Variants in LRRC34 observed in about 807,000 individuals in gnomAD.
LRRC34 encodes the protein leucine rich repeat containing 34.
A neutral mutation model predicts 48.5 loss-of-function variants in LRRC34; 44 were observed. The observed-to-expected ratio is 0.91, with a 90% CI of 0.71 to 1.17. LRRC34 has a LOEUF of 1.17. Ranked by LOEUF, LRRC34 falls within the 50% of genes most tolerant of loss-of-function variation. The pLI is 0.00. For synonymous variants in LRRC34, 192 were observed against 197.6 expected (o/e 0.97, Z 0.24); for missense variants, 502 against 563.0 (o/e 0.89, Z 1.10).
Position 169,812,473 on chromosome 3 carries a change from T to C in LRRC34, c.76A>G (p.Arg26Gly), listed in dbSNP as rs931763689. 3 of 1,529,690 alleles carry C rather than the reference T, an allele frequency of 2.0e-6. No individual in the cohort carries two copies. Among genetic ancestry groups the C allele is most frequent in the South Asian group, 2.4e-5 (2 of 83,552 alleles). The allele number at this position is 1,529,690 out of a possible 1,614,324, so 94.8% of individuals were successfully genotyped here. Residue 26 changes from arginine (R) to glycine (G), a missense_variant, in exon 1 of 11, where the codon AGG (arginine) becomes GGG (glycine). By Grantham distance (125) the Arg-to-Gly change is moderately radical. Transcript: ENST00000446859. This position sits in a 1 kb window ranked among gnomAD's most constrained non-coding sequence, Gnocchi z 4.3. ...SSREAARAPARSPAWASTQAS... is the reference protein window; with the variant it reads ...SSREAARAPAGSPAWASTQAS... The stretch of plus-strand genomic sequence containing the variant: ...TGAGTGGAGGCCCAAGCCGGGGACC[T>C]GGCCGGCGCACGGGCGGCCTCCCGG...
intron 7 of LRRC34, among the ~76,000 whole-genome samples, chr3:169,797,196 C>T (rs746504324): frequency 1.3e-5 from 2 of 151,510 alleles, no homozygotes; most frequent in South Asian, 2.1e-4. Context: ...TCAGTCATTT[C>T]GAAAGGAAAA....
In LRRC34 at chr3:169,795,482, T is replaced by TA. The variant is rs1778952527; in HGVS notation, c.1191+2dup. On this transcript the variant is annotated splice_region_variant and intron_variant, in intron 10 of 10. Transcript: ENST00000446859. ...TCAGTGAAGGAAAAAACTTAAAACT[T>TA]ACTATACACGTAGCCTCATCAAATT... The TA allele has an allele frequency of 5.0e-6, 8 of 1,597,318 alleles. No individual in the cohort carries two copies. Among genetic ancestry groups the TA allele is most frequent in the Non-Finnish European group, 6.8e-6 (8 of 1,168,964 alleles).
In LRRC34 at chr3:169,796,270, A is replaced by AT; in HGVS notation, c.1007dup (p.Asn336LysfsTer9). 1 of 1,612,692 alleles carries AT rather than the reference A, an allele frequency of 6.2e-7. No homozygotes were observed. The highest frequency in any genetic ancestry group is 8.5e-7 in the Non-Finnish European group (1 of 1,179,486). On this transcript the variant is annotated frameshift_variant, in exon 9 of 11. Transcript: ENST00000446859. LOFTEE classifies it high-confidence loss of function. ...TTTCACTGAGATAGTTTGCGCCTGC[A>AT]TTTTCTATTCTGTTAAAGGAAAGAT...
In LRRC34 at chr3:169,806,858, T is replaced by G; in HGVS notation, c.518A>C (p.Lys173Thr). 6.3e-7 allele frequency: 1 copy of G among 1,597,970 alleles called. No homozygotes were observed. The highest frequency in any genetic ancestry group is 8.6e-7 in the Non-Finnish European group (1 of 1,167,392). Residue 173 changes from lysine to threonine, a missense_variant, in exon 5 of 11, where the codon AAA (lysine) becomes ACA (threonine). Physicochemically the swap from Lys to Thr is moderately conservative, Grantham distance 78. Transcript: ENST00000446859. ...IGPEGGELIAKVLHKNRTLKY... is the reference protein window; with the variant it reads ...IGPEGGELIATVLHKNRTLKY... Reference sequence around the variant, plus strand: ...TACATAAATGCTTACATGTAGCACTTTAGCAATCAATTCTCCACCTTCGGG... The same window carrying G: ...TACATAAATGCTTACATGTAGCACTGTAGCAATCAATTCTCCACCTTCGGG...
In LRRC34 at chr3:169,800,742, C is replaced by A; in HGVS notation, c.670G>T (p.Val224Leu). 6.5e-7 allele frequency: 1 copy of A among 1,534,156 alleles called. No individual in the cohort carries two copies. Among genetic ancestry groups the A allele is most frequent in the Non-Finnish European group, 8.7e-7 (1 of 1,146,204 alleles). Residue 224 changes from valine to leucine, a missense_variant, in exon 7 of 11, where the codon GTG becomes TTG. Coordinates refer to ENST00000446859, the MANE Select transcript of LRRC34 (RefSeq NM_001172779.2). ...LGDCDLGMQS[V>L]IAFATVLTQN... The stretch of plus-strand genomic sequence containing the variant: ...GTTAGTACTGTAGCAAATGCTATCA[C>A]ACTTTGCATTCCCTAAAAACAGGTA...
At position 169,812,329 on chromosome 3, in the gene LRRC34, A is replaced by G; in HGVS notation, c.139+81T>C. 1.4e-6 allele frequency: 2 copies of G among 1,437,628 alleles called. No individual in the cohort carries two copies. The highest frequency in any genetic ancestry group is 1.4e-5 in the South Asian group (1 of 70,992). The allele number at this position is 1,437,628 out of a possible 1,614,324, so 89.1% of individuals were successfully genotyped here. The stretch of plus-strand genomic sequence containing the variant: ...CGCCTTGGGCTGGCGGGCTGCTGGG[A>G]GGACTCCTGCCGTGCGACCCCGGCG... On this transcript the variant is annotated intron_variant, in intron 1 of 10. Coordinates refer to ENST00000446859, the MANE Select transcript of LRRC34 (RefSeq NM_001172779.2). This position sits in a 1 kb window ranked among gnomAD's most constrained non-coding sequence, Gnocchi z 4.3.
intron 6 of LRRC34, among the ~76,000 whole-genome samples, chr3:169,801,007 T>G (rs566785076): frequency 6.6e-6 from 1 of 152,318 alleles, no homozygotes; most frequent in East Asian, 1.9e-4. Flanking sequence ...CCTGGGTGTT[T>G]CCCTCTAGGT....
rs772268986 is a variant in LRRC34, at chr3:169,808,745, T to C, written c.140A>G (p.Glu47Gly). ...TTTCTGGAGACCAGATTCTGGAGAT[T>C]CTGAAAAATATATGCATCCTCTATC... ...TPGAALAVQR[E>G]SPESGLQKHY... The change falls in exon 2 of 11, where the codon GAA (glutamate) becomes GGA (glycine). Residue 47 changes from glutamate to glycine, a missense_variant and splice_region_variant. Transcript: ENST00000446859. 1 of 1,506,916 alleles carries C rather than the reference T, an allele frequency of 6.6e-7. No homozygotes were observed. Among genetic ancestry groups the C allele is most frequent in the Non-Finnish European group, 9.1e-7 (1 of 1,093,956 alleles). 93.3% of individuals were successfully genotyped at this position (1,506,916 alleles called of 1,614,324 possible).
At chr3:169,811,728 T>C (rs1489246289) in intron 1 of LRRC34, among the ~76,000 whole-genome samples, 2 of 152,196 alleles carry the variant, frequency 1.3e-5, no homozygotes, top group Non-Finnish European at 2.9e-5. Flanking sequence ...AGAACGTGGG[T>C]GCCCTATCCA....
rs1395389954 is a variant in LRRC34 at position 169,795,579 on chromosome 3, T to C, written c.1097A>G (p.Glu366Gly). 1 of 1,612,776 alleles carries C rather than the reference T, an allele frequency of 6.2e-7. No homozygotes were observed. Residue 366 changes from glutamate to glycine, a missense_variant, in exon 10 of 11, where the codon GAA becomes GGA. Glu to Gly is a moderately conservative substitution (Grantham distance 98, BLOSUM62 -2). Transcript: ENST00000446859. ...LSVVSNNIEG[E>G]GLVALSQSMK... ...TGATTGTGAAAGTGCAACAAGTCCT[T>C]CTCCCTCTATGTTGTTGCTGACTAC...
In LRRC34 at chr3:169,807,853, A is replaced by G. The variant is rs551838311; in HGVS notation, c.258-144T>C. 3.0e-6 allele frequency: 3 copies of G among 1,003,584 alleles called. No homozygotes were observed. In the South Asian group the frequency reaches 5.9e-5, roughly 20 times the overall value. 62.2% of individuals were successfully genotyped at this position (1,003,584 alleles called of 1,614,324 possible). On this transcript the variant is annotated intron_variant, in intron 2 of 10. Coordinates refer to ENST00000446859, the MANE Select transcript of LRRC34 (RefSeq NM_001172779.2). ...AAGCAAGCATATAATAAGTAGACTTATACAGTATATTTATACCAGGTAACT... is the reference window on the plus strand; with the variant it reads ...AAGCAAGCATATAATAAGTAGACTTGTACAGTATATTTATACCAGGTAACT...
chr3:169,793,461 T>A lies in LRRC34; in HGVS notation c.*174A>T. 2.0e-6 allele frequency: 1 copy of A among 493,652 alleles called. No homozygotes were observed. 30.6% of individuals were successfully genotyped at this position (493,652 alleles called of 1,614,324 possible). A position where few individuals can be genotyped will look rare whatever the true frequency, so the allele number is the denominator to read the frequency against. On this transcript the variant is annotated 3_prime_UTR_variant, in exon 11 of 11. Transcript: ENST00000446859. ...TATTGTAAAATTTCTTTTAAAAAATTACCCTACTCAGTTTTTCACAATAGA... is the reference window on the plus strand; with the variant it reads ...TATTGTAAAATTTCTTTTAAAAAATAACCCTACTCAGTTTTTCACAATAGA...
intron 6 of LRRC34, among the ~76,000 whole-genome samples, chr3:169,802,139 T>C (rs893132587): frequency 9.2e-5 from 14 of 152,234 alleles, no homozygotes; most frequent in Non-Finnish European, 2.1e-4. Context: ...TCCCATTAAA[T>C]CAACTCACTT....
At chr3:169,810,100 GCA>G (rs1049314778) in intron 1 of LRRC34, among the ~76,000 whole-genome samples, 10 of 151,706 alleles carry the variant, frequency 6.6e-5, no homozygotes, top group Non-Finnish European at 1.3e-4. Flanking sequence ...GGGACTACAG[GCA>G]CACACCACCA....
intron 5 of LRRC34, among the ~76,000 whole-genome samples, chr3:169,804,501 T>C (rs1254473097): frequency 6.6e-6 from 1 of 152,176 alleles, no homozygotes; most frequent in Admixed American, 6.6e-5. Context: ...GGTTTCACCA[T>C]GTTAGCCAGG....
intron 1 of LRRC34, among the ~76,000 whole-genome samples, chr3:169,810,724 G>A (rs1229675977): frequency 6.6e-6 from 1 of 152,200 alleles, no homozygotes. Flanking sequence ...CATTTAAAAC[G>A]TGCACACTCT....
rs1778880506 is a variant in LRRC34 at position 169,793,780 on chromosome 3, G to A, written c.1250C>T (p.Pro417Leu). 6 of 1,613,668 alleles carry A rather than the reference G, an allele frequency of 3.7e-6. No individual in the cohort carries two copies. The Middle Eastern group carries it at 5.0e-4, about 133-fold the overall frequency. The part of the protein sequence containing the change: ...CLKPDNTDVE[P>L]FVVDGRVYLA... ...ATATACACGTCCATCTACCACAAAT[G>A]GCTCCACATCTGTATTGTCTGGTTT... is the stretch of plus-strand genomic sequence containing the variant. Residue 417 changes from proline (P) to leucine (L), a missense_variant, in exon 11 of 11, where the codon CCA (proline) becomes CTA (leucine). Coordinates refer to ENST00000446859, the MANE Select transcript of LRRC34 (RefSeq NM_001172779.2).
At position 169,793,259 on chromosome 3, in the gene LRRC34, C is replaced by T. The variant is rs1778858556; in HGVS notation, c.*376G>A. ...CTGAACTTTGAAACCCTTTGAAAGT[C>T]ACTGGTAATTTTCTACCACAAACCT... On this transcript the variant is annotated 3_prime_UTR_variant, in exon 11 of 11. Coordinates refer to ENST00000446859, the MANE Select transcript of LRRC34 (RefSeq NM_001172779.2). Among the ~76,000 whole-genome samples, 1 of 152,154 alleles carries T rather than the reference C, an allele frequency of 6.6e-6. No homozygotes were observed. Among genetic ancestry groups the T allele is most frequent in the African/African-American group, 2.4e-5 (1 of 41,428 alleles).
chr3:169,802,082 G>A (rs577337276), intron 6 of LRRC34, among the ~76,000 whole-genome samples: 6 of 152,298 alleles, frequency 3.9e-5, no homozygotes, highest in East Asian at 1.9e-4. Flanking sequence ...GATTACAGGC[G>A]TGAGCCACCA....
Sources: allele counts gnomAD v4.1 joint callset (sites outside exome capture counted in the v4.1 genomes callset), GRCh38; gene constraint gnomAD v4.1.1; non-coding constraint Gnocchi (gnomAD v3.1); transcripts MANE v1.5; gene names NCBI Gene and HGNC (gene_info 2026-07-23, HGNC 2026-07-21).